The following PCBP3 variants were observed in gnomAD, a reference collection of about 807,000 sequenced individuals.
PCBP3 encodes poly(rC) binding protein 3.
A neutral mutation model predicts 52.7 loss-of-function variants in PCBP3; 25 were observed. The observed-to-expected ratio is 0.47, with a 90% CI of 0.35 to 0.66. The LOEUF is 0.66. Among genes scored for constraint, PCBP3 ranks in the 30% least tolerant of loss-of-function variants. The pLI is 0.01. For synonymous variants in PCBP3, 162 were observed against 183.0 expected, an observed-to-expected ratio of 0.89 and a Z score of 0.93; for missense variants, 391 against 490.3, an observed-to-expected ratio of 0.80 and a Z score of 1.91.
At chr21:45,913,189 G>A (rs1319079475) in intron 11 of PCBP3, among the ~76,000 whole-genome samples, 1 of 152,254 alleles carries the variant, frequency 6.6e-6, no homozygotes. Context: ...AAATGCTGGC[G>A]CTGGAGAATG....
Position 45,941,610 on chromosome 21 carries a change from C to T in PCBP3, c.1080-60C>T, listed in dbSNP as rs1358326811. 4.0e-6 allele frequency: 6 copies of T among 1,507,588 alleles called. No individual in the cohort carries two copies. In the African/African-American group the frequency reaches 6.9e-5, roughly 17 times the overall value. The allele number at this position is 1,507,588 out of a possible 1,614,324, so 93.4% of individuals were successfully genotyped here. A position where few individuals can be genotyped will look rare whatever the true frequency, so the allele number is the denominator to read the frequency against. On this transcript the variant is annotated intron_variant, in intron 17 of 17. Transcript: ENST00000681687. ...GCCACACAGCCCGGCCTCACGTCTG[C>T]CCACTGATGAGGGCGTTGGTTGTGA...
chr21:45,810,083 C>T (rs2092636882), intron 4 of PCBP3, among the ~76,000 whole-genome samples: 1 of 152,162 alleles, frequency 6.6e-6, no homozygotes, highest in Non-Finnish European at 1.5e-5. Flanking sequence ...TTGTCAAATG[C>T]ATTTTTCTGC....
At chr21:45,763,070 C>G (rs1336602973) in intron 4 of PCBP3, 2 of 152,164 alleles carry the variant, frequency 1.3e-5, no homozygotes, top group Admixed American at 1.3e-4. Context: ...GAGGTTGACA[C>G]ATACCTCTTA....
rs1343797904 is a variant in PCBP3 at position 45,766,579 on chromosome 21, C to T, written c.-126+11127C>T. ...GTGGAAGCCCCCAGTCTGTGGTGTT[C>T]TGTTATGGCAGCTGAGCAGATGAAA... On this transcript the variant is annotated intron_variant, in intron 4 of 17. Transcript: ENST00000681687. Among the ~76,000 whole-genome samples the T allele has an allele frequency of 7.2e-5, 11 of 152,352 alleles. 1 individual carries two copies. In the East Asian group the frequency reaches 1.2e-3, roughly 16 times the overall value.
At chr21:45,806,075 A>C (rs61208672) in intron 4 of PCBP3, among the ~76,000 whole-genome samples, 58 of 152,316 alleles carry the variant, frequency 3.8e-4, no homozygotes, top group Non-Finnish European at 7.5e-4. Flanking sequence ...TGCTGCCTCC[A>C]GGGTTATCAC....
chr21:45,664,020 C>CTTTTTTTTTTTTTTTTTTTTTTTCT (rs35607838), intron 1 of PCBP3, among the ~76,000 whole-genome samples: 1 of 132,684 alleles, frequency 7.5e-6, no homozygotes. Context: ...CTTTTTTTTT[C>CTTTTTTTTTTTTTTTTTTTTTTTCT]TTTTTTTTTT....
intron 5 of PCBP3, among the ~76,000 whole-genome samples, chr21:45,888,484 CCTCA>C (rs2095574092): frequency 6.6e-6 from 1 of 152,234 alleles, no homozygotes; most frequent in African/African-American, 2.4e-5. Context: ...TGAACTGGCC[CCTCA>C]CTCACCTGGG....
chr21:45,689,215 AACTCAGGAAG>A (rs1464427238), intron 2 of PCBP3, among the ~76,000 whole-genome samples: 1 of 152,110 alleles, frequency 6.6e-6, no homozygotes, highest in Non-Finnish European at 1.5e-5. Flanking sequence ...CAGCAAATCA[AACTCAGGAAG>A]ATAGGTAGGT....
In PCBP3 at chr21:45,791,129, A is replaced by C. The variant is rs1019495005; in HGVS notation, c.-126+35677A>C. On this transcript the variant is annotated intron_variant, in intron 4 of 17. Transcript: ENST00000681687. This position sits in a 1 kb window ranked among gnomAD's most constrained non-coding sequence, Gnocchi z 4.2. The stretch of plus-strand genomic sequence containing the variant: ...CGAAGGTGCAGAGATGGTGGGGTCC[A>C]TCCCAGGAAGCCCCTCACAACAAGG... Among the ~76,000 whole-genome samples the C allele has an allele frequency of 1.3e-5, 2 of 152,186 alleles. No homozygotes were observed. The highest frequency in any genetic ancestry group is 4.8e-5 in the African/African-American group (2 of 41,456).
chr21:45,922,273 G>T (rs757165023), intron 13 of PCBP3, among the ~76,000 whole-genome samples: 8 of 152,176 alleles, frequency 5.3e-5, no homozygotes, highest in Non-Finnish European at 7.3e-5. Flanking sequence ...ACCCTCATAG[G>T]CCAGGTACAG....
chr21:45,687,948 G>T (rs1317371569), intron 2 of PCBP3, among the ~76,000 whole-genome samples: 1 of 152,072 alleles, frequency 6.6e-6, no homozygotes, highest in Non-Finnish European at 1.5e-5. Context: ...AGCCAGGATG[G>T]TCTTCATCTG....
chr21:45,921,273 A>G (rs969344471), intron 13 of PCBP3, among the ~76,000 whole-genome samples: 3 of 152,202 alleles, frequency 2.0e-5, no homozygotes, highest in Non-Finnish European at 4.4e-5. Flanking sequence ...TTAATTTATA[A>G]TGTAATTGAA....
chr21:45,894,036 C>G (rs1208292199), intron 5 of PCBP3: 6 of 985,240 alleles, frequency 6.1e-6, no homozygotes, highest in South Asian at 4.7e-5. Flanking sequence ...CTAGGGAGAG[C>G]CAGAGAGTGG....
At chr21:45,712,540 C>T (rs568720101) in intron 2 of PCBP3, among the ~76,000 whole-genome samples, 1 of 152,212 alleles carries the variant, frequency 6.6e-6, no homozygotes, top group East Asian at 1.9e-4. Flanking sequence ...TCTTCTGTAC[C>T]TCTTTCAAGT....
intron 4 of PCBP3, among the ~76,000 whole-genome samples, chr21:45,799,184 G>A (rs1375917446): frequency 1.3e-5 from 2 of 152,334 alleles, no homozygotes; most frequent in East Asian, 1.9e-4. Flanking sequence ...CAGATGGGCC[G>A]GAATATAAGT....
intron 12 of PCBP3, chr21:45,914,399 T>C: frequency 2.2e-6 from 1 of 447,488 alleles, no homozygotes; most frequent in South Asian, 4.3e-5. Flanking sequence ...ACCAGGGTCT[T>C]GTTTCCACTG....
chr21:45,819,259 ATC>A (rs1438372619), intron 4 of PCBP3, among the ~76,000 whole-genome samples: 1 of 152,066 alleles, frequency 6.6e-6, no homozygotes, highest in Non-Finnish European at 1.5e-5. Context: ...TATATAGGAA[ATC>A]TCTGTGTTTT....
intron 5 of PCBP3, among the ~76,000 whole-genome samples, chr21:45,886,115 T>C (rs1569437616): frequency 1.2e-5 from 1 of 83,836 alleles, no homozygotes; most frequent in African/African-American, 3.1e-5. Context: ...GGAGGCCTCA[T>C]TGCCGCTGGT....
rs147964005 is a variant in PCBP3, at chr21:45,790,203, G to C, written c.-126+34751G>C. On this transcript the variant is annotated intron_variant, in intron 4 of 17. Coordinates refer to ENST00000681687, the MANE Select transcript of PCBP3 (RefSeq NM_001384156.1). ...TGGGGAAGCAGAGACTGGTGAGGAG[G>C]CTTCACCTGGACCCAGGTGAGAGGT... Among the ~76,000 whole-genome samples the C allele has an allele frequency of 5.6e-3, 845 of 152,230 alleles. 4 individuals are homozygous for C. Among genetic ancestry groups the C allele is most frequent in the Non-Finnish European group, 8.6e-3 (587 of 68,004 alleles).
Sources: allele counts gnomAD v4.1 joint callset (sites outside exome capture counted in the v4.1 genomes callset), GRCh38; gene constraint gnomAD v4.1.1; non-coding constraint Gnocchi (gnomAD v3.1); transcripts MANE v1.5; gene names NCBI Gene and HGNC (gene_info 2026-07-23, HGNC 2026-07-21).